DOCK7: variants seen among roughly 807,000 people sequenced by gnomAD.
DOCK7 encodes dedicator of cytokinesis 7.
In DOCK7, 138 loss-of-function variants were observed where a neutral mutation model predicts 271.0. That is an observed-to-expected ratio of 0.51 (90% CI 0.44 to 0.59). DOCK7 has a LOEUF of 0.59. DOCK7 is among the 20% of genes least tolerant of loss of function. The probability of loss-of-function intolerance (pLI) is 0.00; values close to 1 mark genes in which losing one functional copy is unlikely to be tolerated. For synonymous variants in DOCK7, 823 were observed against 876.1 expected, an observed-to-expected ratio of 0.94 and a Z score of 1.07; for missense variants, 2,066 against 2,592.4, an observed-to-expected ratio of 0.80 and a Z score of 4.41.
intron 1 of DOCK7, among the ~76,000 whole-genome samples, chr1:62,686,159 T>A (rs1406433662): frequency 0.035 from 43 of 1,228 alleles, 18 homozygotes; most frequent in African/African-American, 0.036. Context: ...AGTAATAACT[T>A]TTTTTTTTTT....
intron 27 of DOCK7, among the ~76,000 whole-genome samples, chr1:62,538,381 A>G (rs1180235071): frequency 6.6e-6 from 1 of 152,210 alleles, no homozygotes; most frequent in Non-Finnish European, 1.5e-5. Flanking sequence ...TTCCTTCTTA[A>G]AAGAAATTAT....
At chr1:62,660,146 C>T (rs1658498454) in intron 2 of DOCK7, among the ~76,000 whole-genome samples, 1 of 152,104 alleles carries the variant, frequency 6.6e-6, no homozygotes, top group South Asian at 2.1e-4. Context: ...CAAAAGTATA[C>T]ACCAAGACAG....
chr1:62,644,720 T>A (rs1656431811), intron 7 of DOCK7, among the ~76,000 whole-genome samples: 1 of 152,204 alleles, frequency 6.6e-6, no homozygotes, highest in Admixed American at 6.5e-5. Flanking sequence ...GAGAAATGAT[T>A]TTCAAAAATA....
intron 37 of DOCK7, among the ~76,000 whole-genome samples, chr1:62,500,357 G>A (rs1478155200): frequency 2.0e-5 from 3 of 151,738 alleles, no homozygotes; most frequent in Admixed American, 2.0e-4. Flanking sequence ...TTTTTACTTG[G>A]AAAAGTAAGA....
chr1:62,540,025 TA>T, intron 25 of DOCK7, 133 bp from the exon 26 acceptor site: 1 of 583,226 alleles, frequency 1.7e-6, no homozygotes, highest in Non-Finnish European at 2.7e-6. Flanking sequence ...GCTTCTCAAA[TA>T]TTTTTTAAAG....
intron 15 of DOCK7, 124 bp downstream of exon 15, chr1:62,586,383 C>T: frequency 1.6e-6 from 1 of 636,344 alleles, no homozygotes; most frequent in South Asian, 2.1e-5. Context: ...GAAAGTAATG[C>T]AGTTAGAAAT....
chr1:62,573,603 C>A lies in DOCK7; in HGVS notation c.2112+3659G>T, dbSNP rs1646852949. Among the ~76,000 whole-genome samples the A allele has an allele frequency of 2.6e-5, 4 of 152,144 alleles. No individual in the cohort carries two copies. The South Asian group carries it at 8.3e-4, about 32-fold the overall frequency. On this transcript the variant is annotated intron_variant, in intron 18 of 49. Coordinates refer to ENST00000635253, the MANE Select transcript of DOCK7 (RefSeq NM_001367561.1). Reference sequence around the variant, plus strand: ...AATGCCATAAGCTTTTTGTTAAATTCATAAAATAAAGTAAATAATATCATA... The same window carrying A: ...AATGCCATAAGCTTTTTGTTAAATTAATAAAATAAAGTAAATAATATCATA...
chr1:62,620,782 G>A (rs1416505460), intron 12 of DOCK7, among the ~76,000 whole-genome samples: 1 of 151,300 alleles, frequency 6.6e-6, no homozygotes, highest in East Asian at 1.9e-4. Context: ...TACTCGGGAG[G>A]CTGAGGCAGG....
intron 20 of DOCK7, among the ~76,000 whole-genome samples, chr1:62,558,497 T>C (rs909514706): frequency 1.3e-5 from 2 of 152,080 alleles, no homozygotes; most frequent in Admixed American, 1.3e-4. Flanking sequence ...GAAGAACACC[T>C]TTCCTTCCAG....
chr1:62,499,278 A>G (rs1646711390), intron 37 of DOCK7, among the ~76,000 whole-genome samples: 2 of 152,184 alleles, frequency 1.3e-5, no homozygotes, highest in Non-Finnish European at 2.9e-5. Context: ...ATATTCTTCT[A>G]TTCTGGGTTA....
Position 62,535,546 on chromosome 1 carries a change from C to T in DOCK7, c.3558G>A (p.Leu1186=), listed in dbSNP as rs761731303. 3.7e-6 allele frequency: 6 copies of T among 1,613,994 alleles called. No homozygotes were observed. The Admixed American group carries it at 5.0e-5, about 13-fold the overall frequency. The change falls in exon 29 of 50, where the codon TTG becomes TTA. Residue 1186 remains leucine, a synonymous_variant. Transcript: ENST00000635253. Reference sequence around the variant, plus strand: ...CCAGCTCTGTTAACACAAGTCCTGCCAAATAATGCTGTTGGCGGAAAGGCA... The same window carrying T: ...CCAGCTCTGTTAACACAAGTCCTGCTAAATAATGCTGTTGGCGGAAAGGCA... ...LSVPFRQQHY[L]AGLVLTELAV...
chr1:62,648,995 T>C (rs945733340), intron 4 of DOCK7, among the ~76,000 whole-genome samples: 10 of 152,162 alleles, frequency 6.6e-5, no homozygotes, highest in African/African-American at 2.4e-4. Context: ...TCTCTCGTTA[T>C]CTATAAAAGA....
intron 1 of DOCK7, among the ~76,000 whole-genome samples, chr1:62,685,540 C>T (rs1305275497): frequency 6.6e-6 from 1 of 151,992 alleles, no homozygotes; most frequent in Non-Finnish European, 1.5e-5. Flanking sequence ...CCCCCACCCA[C>T]CCCCGGGCTC....
At chr1:62,553,369 T>TAAATA (rs1646019484) in intron 21 of DOCK7, among the ~76,000 whole-genome samples, 1 of 8,972 alleles carries the variant, frequency 1.1e-4, no homozygotes, top group African/African-American at 4.8e-4. Flanking sequence ...TTTTTTTTTT[T>TAAATA]TTTTTTTTTT....
chr1:62,518,143 T>C (rs987274648), intron 31 of DOCK7, among the ~76,000 whole-genome samples: 3 of 152,102 alleles, frequency 2.0e-5, no homozygotes, highest in Non-Finnish European at 4.4e-5. Flanking sequence ...TTTAGAAATA[T>C]AGACAAAACT....
In DOCK7 at chr1:62,562,093, T is replaced by C. The variant is rs146034037; in HGVS notation, c.2113-390A>G. 3.9e-5 allele frequency among the ~76,000 whole-genome samples: 6 copies of C among 152,000 alleles called. 1 individual carries two copies. The East Asian group carries it at 9.7e-4, about 24-fold the overall frequency. On this transcript the variant is annotated intron_variant, in intron 18 of 49. Transcript: ENST00000635253. ...TGTTTTTCATTTATTACATTGTGAA[T>C]CTCTTTTCATGTCAATAAATTCAAA...
rs1247001598 is a variant in DOCK7 at position 62,477,736 on chromosome 1, T to C, written c.5598A>G (p.Ala1866=). The change falls in exon 44 of 50, where the codon GCA becomes GCG. Residue 1866 remains alanine (A), a synonymous_variant. Transcript: ENST00000635253. The stretch of plus-strand genomic sequence containing the variant: ...GAGATATCTCTGCAAGTTTGGTTAT[T>C]GCAGGCTCCTTGTAAACAAATTCTT... ...DEQEFVYKEP[A]ITKLAEISHR... 5.0e-6 allele frequency: 8 copies of C among 1,609,790 alleles called. No homozygotes were observed. Among genetic ancestry groups the C allele is most frequent in the Non-Finnish European group, 6.8e-6 (8 of 1,178,812 alleles).
intron 28 of DOCK7, among the ~76,000 whole-genome samples, chr1:62,536,112 G>GT (rs879398902): frequency 3.3e-4 from 35 of 105,592 alleles, no homozygotes; most frequent in Non-Finnish European, 3.9e-4. Flanking sequence ...TGTTGTCTGA[G>GT]TTTTTTTTTT....
At chr1:62,578,239 TA>T (rs1646997367) in intron 17 of DOCK7, among the ~76,000 whole-genome samples, 1 of 152,208 alleles carries the variant, frequency 6.6e-6, no homozygotes, top group Non-Finnish European at 1.5e-5. Context: ...GAACCTATTA[TA>T]TTTATACTGC....
Sources: gnomAD v4.1 joint callset for allele counts (sites outside exome capture counted in the v4.1 genomes callset) on GRCh38, gnomAD v4.1.1 for gene constraint, MANE v1.5 for transcripts, NCBI Gene and HGNC (gene_info 2026-07-23, HGNC 2026-07-21) for gene names.